NSUN2: variants seen among roughly 807,000 people sequenced by gnomAD.
The protein encoded by NSUN2 is RNA cytosine C(5)-methyltransferase NSUN2.
In NSUN2, 63 loss-of-function variants were observed where a neutral mutation model predicts 92.7. The observed-to-expected ratio is 0.68, with a 90% CI of 0.56 to 0.84. NSUN2 has a LOEUF of 0.84. NSUN2 is among the 40% of genes least tolerant of loss of function. The pLI, the probability that NSUN2 is intolerant of heterozygous loss-of-function variation, is 0.00. For missense variants in NSUN2, 989 were observed against 964.9 expected, an observed-to-expected ratio of 1.02 and a Z score of -0.33; for synonymous variants, 356 against 348.3, an observed-to-expected ratio of 1.02 and a Z score of -0.25.
Position 6,609,915 on chromosome 5 carries a change from T to C in NSUN2, c.1234A>G (p.Ile412Val). The C allele has an allele frequency of 6.2e-7, 1 of 1,605,484 alleles. No individual in the cohort carries two copies. The highest frequency in any genetic ancestry group is 8.5e-7 in the Non-Finnish European group (1 of 1,173,490). Residue 412 changes from isoleucine (I) to valine (V), a missense_variant, in exon 12 of 19, where the codon ATA becomes GTA. Ile to Val is a conservative substitution (Grantham distance 29). This residue lies in a region of NSUN2 where 626 missense variants were observed against 602.3 expected (regional missense o/e 1.04). Transcript: ENST00000264670. ...QAMHLERCLR[I>V]LPHHQNTGGF... ...CCAGTATTCTGATGATGGGGTAATA[T>C]CCTAAGGCTAAATATATATATATAA...
At chr5:6,618,556 CAGTT>C (rs1737307329) in intron 7 of NSUN2, among the ~76,000 whole-genome samples, 1 of 151,972 alleles carries the variant, frequency 6.6e-6, no homozygotes, top group African/African-American at 2.4e-5. Flanking sequence ...TTGAAAAACT[CAGTT>C]AATCAACAAT....
chr5:6,611,026 G>A lies in NSUN2; in HGVS notation c.1155C>T (p.His385=). 1 of 1,614,184 alleles carries A rather than the reference G, an allele frequency of 6.2e-7. No individual in the cohort carries two copies. Among genetic ancestry groups the A allele is most frequent in the Non-Finnish European group, 8.5e-7 (1 of 1,180,032 alleles). Residue 385 remains histidine, a synonymous_variant, in exon 11 of 19, where the codon CAC becomes CAT. Transcript: ENST00000264670. Reference sequence around the variant, plus strand: ...GGAACATGGTAGGTCGGATCTGGGTGTGTCTGCTGTGAGGAACAGCGTCCC... The same window carrying A: ...GGAACATGGTAGGTCGGATCTGGGTATGTCTGCTGTGAGGAACAGCGTCCC... The part of the protein sequence containing the change: ...TDWDAVPHSR[H]TQIRPTMFPP...
intron 9 of NSUN2, among the ~76,000 whole-genome samples, chr5:6,612,289 T>C (rs1488959994): frequency 3.9e-5 from 6 of 152,164 alleles, no homozygotes; most frequent in Non-Finnish European, 2.9e-5. Flanking sequence ...ACCAGGGCGA[T>C]GCTGCAGGTC....
chr5:6,612,157 T>A (rs996266692), intron 9 of NSUN2, among the ~76,000 whole-genome samples: 1 of 152,140 alleles, frequency 6.6e-6, no homozygotes, highest in Non-Finnish European at 1.5e-5. Flanking sequence ...GACAGCTCAA[T>A]AAAGTTGTTC....
chr5:6,607,521 AT>A, intron 12 of NSUN2, 137 bp from the exon 13 acceptor site: 1 of 748,744 alleles, frequency 1.3e-6, no homozygotes, highest in African/African-American at 1.8e-5. Context: ...AGACAACAGA[AT>A]TTTTTTAAAG....
chr5:6,607,383 A>C lies in NSUN2; in HGVS notation c.1325T>G (p.Leu442Arg). The C allele has an allele frequency of 6.2e-7, 1 of 1,609,046 alleles. No homozygotes were observed. Among genetic ancestry groups the C allele is most frequent in the Non-Finnish European group, 8.5e-7 (1 of 1,176,752 alleles). Reference protein sequence around the residue: ...SMPWNKRQPKLQGKSAETRES... With the variant: ...SMPWNKRQPKRQGKSAETRES... ...TCTGGTCTCTGCAGATTTACCCTGA[A>C]GCTGTCATAAAGAACAATTTCATTG... The change falls in exon 13 of 19, where the codon CTT (leucine) becomes CGT (arginine). Residue 442 changes from leucine (L) to arginine (R), a missense_variant and splice_region_variant. Around this residue, in one of 3 missense-constraint regions of NSUN2, gnomAD observed 626 missense variants for 602.3 expected, o/e 1.04. Transcript: ENST00000264670.
chr5:6,606,695 G>C lies in NSUN2; in HGVS notation c.1601+125C>G, dbSNP rs1736786602. 3 of 447,242 alleles carry C rather than the reference G, an allele frequency of 6.7e-6. No individual in the cohort carries two copies. The Admixed American group carries it at 1.5e-4, about 23-fold the overall frequency. The allele number at this position is 447,242 out of a possible 1,614,324, so 27.7% of individuals were successfully genotyped here. On this transcript the variant is annotated intron_variant, in intron 14 of 18. Coordinates refer to ENST00000264670, the MANE Select transcript of NSUN2 (RefSeq NM_017755.6). Reference sequence around the variant, plus strand: ...CCTGCTCTAATATGCAGTTAAAAAGGTTAAAAAAAAAAAAAAAGCTAGACA... The same window carrying C: ...CCTGCTCTAATATGCAGTTAAAAAGCTTAAAAAAAAAAAAAAAGCTAGACA...
At chr5:6,623,306 C>T (rs1213792810) in intron 4 of NSUN2, 21 bp from the exon 5 acceptor site, 2 of 1,499,846 alleles carry the variant, frequency 1.3e-6, no homozygotes, top group East Asian at 2.3e-5. Context: ...AAAAAAAAAT[C>T]AGCAACAATT....
At chr5:6,600,427 A>T (rs879945333) in intron 18 of NSUN2, among the ~76,000 whole-genome samples, 195 bp from the exon 19 acceptor site, 1 of 152,198 alleles carries the variant, frequency 6.6e-6, no homozygotes, top group East Asian at 1.9e-4. Context: ...TCATGTCCTG[A>T]GTAAAATTCT....
chr5:6,630,844 C>T (rs1737853088), intron 3 of NSUN2, among the ~76,000 whole-genome samples: 1 of 152,158 alleles, frequency 6.6e-6, no homozygotes, highest in African/African-American at 2.4e-5. Flanking sequence ...CCTGTAATCC[C>T]AGCACTTTGG....
chr5:6,628,939 G>T (rs1164249698), intron 3 of NSUN2, among the ~76,000 whole-genome samples: 1 of 152,212 alleles, frequency 6.6e-6, no homozygotes, highest in African/African-American at 2.4e-5. Context: ...GAGCTACTCA[G>T]GAGGCTGAGG....
intron 9 of NSUN2, among the ~76,000 whole-genome samples, chr5:6,614,625 C>T (rs773958251): frequency 4.5e-4 from 68 of 152,220 alleles, no homozygotes; most frequent in Non-Finnish European, 7.5e-4. Context: ...CAACCCCTCA[C>T]GAAGCCACTC....
At position 6,600,334 on chromosome 5, in the gene NSUN2, C is replaced by T. The variant is rs567568404; in HGVS notation, c.1998-102G>A. 1.3e-4 allele frequency: 142 copies of T among 1,123,578 alleles called. No individual in the cohort carries two copies. The Middle Eastern group carries it at 1.3e-3, about 10-fold the overall frequency. 69.6% of individuals were successfully genotyped at this position (1,123,578 alleles called of 1,614,324 possible). On this transcript the variant is annotated intron_variant, in intron 18 of 18. Transcript: ENST00000264670. ...CTTAAAAAAGAAAACCACAGAAAAC[C>T]CATACCCACAAAACCCCCAAAACTA...
chr5:6,605,000 G>A (rs919241098), intron 15 of NSUN2: 3 of 573,482 alleles, frequency 5.2e-6, no homozygotes, highest in African/African-American at 1.9e-5. Flanking sequence ...CTGCCCAGGA[G>A]GGCGAGCTGT....
intron 8 of NSUN2, 52 bp from the exon 9 acceptor site, chr5:6,616,909 C>T (rs925855996): frequency 1.4e-5 from 22 of 1,527,948 alleles, no homozygotes; most frequent in Non-Finnish European, 1.9e-5. Flanking sequence ...ATGAAGTGCA[C>T]ATATTAGAAG....
At chr5:6,608,224 A>G (rs949641220) in intron 12 of NSUN2, among the ~76,000 whole-genome samples, 1 of 152,256 alleles carries the variant, frequency 6.6e-6, no homozygotes, top group Non-Finnish European at 1.5e-5. Flanking sequence ...CAAGTCAGTG[A>G]GGGCACACGC....
chr5:6,622,847 CAA>C (rs36124758), intron 5 of NSUN2, among the ~76,000 whole-genome samples: 6 of 126,908 alleles, frequency 4.7e-5, no homozygotes, highest in Admixed American at 8.1e-5. Context: ...AACTCCATCT[CAA>C]AAAAAAAAAA....
At chr5:6,605,712 T>C (rs1485955561) in intron 14 of NSUN2, among the ~76,000 whole-genome samples, 1 of 152,028 alleles carries the variant, frequency 6.6e-6, no homozygotes, top group Non-Finnish European at 1.5e-5. Flanking sequence ...TTTTTTTTTT[T>C]TTTGATATGG....
intron 2 of NSUN2, 126 bp from the exon 3 acceptor site, chr5:6,632,103 T>G (rs1443509835): frequency 1.1e-5 from 8 of 710,562 alleles, no homozygotes; most frequent in Non-Finnish European, 1.9e-5. Context: ...GTAAACATTC[T>G]TTAGTCACTA....
Sources: allele counts gnomAD v4.1 joint callset (sites outside exome capture counted in the v4.1 genomes callset), GRCh38; gene constraint gnomAD v4.1.1; regional missense constraint gnomAD v4.1.1; transcripts MANE v1.5; gene names NCBI Gene and HGNC (gene_info 2026-07-23, HGNC 2026-07-21).